Variants in FNIP2 observed in about 807,000 individuals in gnomAD.
FNIP2 encodes folliculin-interacting protein 2.
A neutral mutation model predicts 108.7 loss-of-function variants in FNIP2; 32 were observed. That is an observed-to-expected ratio of 0.29 (90% CI 0.22 to 0.40). The LOEUF is 0.40. Ranked by LOEUF, FNIP2 falls within the 10% of genes least tolerant of loss-of-function variation. FNIP2 has a pLI of 1.00. For synonymous variants in FNIP2, 480 were observed against 496.7 expected, an observed-to-expected ratio of 0.97 and a Z score of 0.45; for missense variants, 1,202 against 1,381.6, an observed-to-expected ratio of 0.87 and a Z score of 2.06.
chr4:158,835,575 G>C, intron 7 of FNIP2, 99 bp downstream of exon 7: 3 of 1,074,142 alleles, frequency 2.8e-6, no homozygotes, highest in Non-Finnish European at 4.2e-6. Flanking sequence ...CCCTCATCCT[G>C]TTCTTTGTTT....
At position 158,822,926 on chromosome 4, in the gene FNIP2, A is replaced by G. The variant is rs369623408; in HGVS notation, c.108-2990A>G. Among the ~76,000 whole-genome samples, 59 of 152,318 alleles carry G rather than the reference A, an allele frequency of 3.9e-4. 1 individual carries two copies. The East Asian group carries it at 0.011, about 29-fold the overall frequency. The stretch of plus-strand genomic sequence containing the variant: ...AAAAAAATTATTTTTAGACTCCTGA[A>G]TCAGAACAATTGTCCATGATTTTTA... On this transcript the variant is annotated intron_variant, in intron 1 of 16. Coordinates refer to ENST00000264433, the MANE Select transcript of FNIP2 (RefSeq NM_020840.3).
intron 1 of FNIP2, among the ~76,000 whole-genome samples, chr4:158,812,387 G>A (rs1302793380): frequency 6.6e-6 from 1 of 152,036 alleles, no homozygotes; most frequent in Non-Finnish European, 1.5e-5. Context: ...TAATTCTGCT[G>A]AACAGGGACA....
chr4:158,901,386 G>A (rs924374489), intron 16 of FNIP2, among the ~76,000 whole-genome samples: 14 of 151,984 alleles, frequency 9.2e-5, no homozygotes, highest in African/African-American at 3.1e-4. Context: ...TTCCCTTTGT[G>A]GGTAACCTGA....
chr4:158,856,781 GC>G (rs1159155529), intron 8 of FNIP2, among the ~76,000 whole-genome samples: 2 of 152,224 alleles, frequency 1.3e-5, no homozygotes, highest in South Asian at 2.1e-4. Flanking sequence ...TTGCAGTACA[GC>G]CTGTGTACCT....
At chr4:158,872,511 A>T (rs758779338) in intron 14 of FNIP2, 428 of 985,310 alleles carry the variant, frequency 4.3e-4, no homozygotes, top group Non-Finnish European at 5.0e-4. Flanking sequence ...AAGCATAATA[A>T]CCTATATTGT....
intron 1 of FNIP2, chr4:158,808,682 A>G (rs1029689238): frequency 6.6e-6 from 1 of 152,202 alleles, no homozygotes; most frequent in Non-Finnish European, 1.5e-5. Context: ...GCTCACAGTT[A>G]TCTGTTTGTC....
chr4:158,891,779 A>G (rs1782291767), intron 15 of FNIP2, 133 bp downstream of exon 15: 2 of 846,452 alleles, frequency 2.4e-6, no homozygotes, highest in Non-Finnish European at 3.6e-6. Flanking sequence ...AAACTAGAAC[A>G]TGCAGCATAA....
At chr4:158,853,160 T>C (rs931718568) in intron 8 of FNIP2, among the ~76,000 whole-genome samples, 1 of 152,196 alleles carries the variant, frequency 6.6e-6, no homozygotes. Context: ...TTATGTGATA[T>C]CTTGTGTTGT....
rs761872228 is a variant in FNIP2 at position 158,907,470 on chromosome 4, C to A, written c.*2926C>A. The A allele has an allele frequency of 6.6e-6, 1 of 151,986 alleles. No homozygotes were observed. Among genetic ancestry groups the A allele is most frequent in the Non-Finnish European group, 1.5e-5 (1 of 68,002 alleles). The allele number at this position is 151,986 out of a possible 1,614,324, so 9.4% of individuals were successfully genotyped here. Reference sequence around the variant, plus strand: ...CCCCGCTTGCTAAATGATACTAAACCGTTGTTTGGGCTCTTATAATTAGGT... The same window carrying A: ...CCCCGCTTGCTAAATGATACTAAACAGTTGTTTGGGCTCTTATAATTAGGT... On this transcript the variant is annotated 3_prime_UTR_variant, in exon 17 of 17. Coordinates refer to ENST00000264433, the MANE Select transcript of FNIP2 (RefSeq NM_020840.3).
chr4:158,814,354 C>T (rs576546813), intron 1 of FNIP2, among the ~76,000 whole-genome samples: 37 of 152,296 alleles, frequency 2.4e-4, no homozygotes, highest in Admixed American at 7.8e-4. Flanking sequence ...CCGTGTAAAA[C>T]GTTATATAAT....
chr4:158,809,675 G>T (rs1777167202), intron 1 of FNIP2, among the ~76,000 whole-genome samples: 1 of 152,140 alleles, frequency 6.6e-6, no homozygotes, highest in Admixed American at 6.5e-5. Context: ...GTGAATCATT[G>T]TTGCTCTGGT....
chr4:158,802,333 C>T (rs924704639), intron 1 of FNIP2, among the ~76,000 whole-genome samples: 2 of 151,810 alleles, frequency 1.3e-5, no homozygotes, highest in Non-Finnish European at 2.9e-5. Context: ...TTTATTTCTC[C>T]TTTTTTTCTC....
chr4:158,896,435 A>T (rs1319914947), intron 16 of FNIP2, among the ~76,000 whole-genome samples: 3 of 152,198 alleles, frequency 2.0e-5, no homozygotes, highest in Non-Finnish European at 4.4e-5. Context: ...AGGGGAAGTA[A>T]TTCTTACTTC....
intron 14 of FNIP2, chr4:158,871,936 C>T (rs528523047): frequency 6.5e-5 from 64 of 985,166 alleles, no homozygotes; most frequent in Admixed American, 4.9e-4. Flanking sequence ...TAGTAACTGC[C>T]TATAACATTA....
Position 158,904,608 on chromosome 4 carries a change from G to GA in FNIP2, c.*66dup. On this transcript the variant is annotated 3_prime_UTR_variant, in exon 17 of 17. Transcript: ENST00000264433. ...TCAAATTCTCAACTGAAGGAGAAAG[G>GA]AATAAGCTCTCTGTGATGTCAAAAG... The GA allele has an allele frequency of 1.5e-6, 2 of 1,350,326 alleles. No homozygotes were observed. Among genetic ancestry groups the GA allele is most frequent in the South Asian group, 1.2e-5 (1 of 85,122 alleles). The allele number at this position is 1,350,326 out of a possible 1,614,324, so 83.6% of individuals were successfully genotyped here.
At chr4:158,827,699 G>A (rs551110576) in intron 2 of FNIP2, among the ~76,000 whole-genome samples, 6 of 152,310 alleles carry the variant, frequency 3.9e-5, no homozygotes, top group Non-Finnish European at 5.9e-5. Context: ...TATCTTTAGC[G>A]TGTTGAGGGA....
Position 158,868,568 on chromosome 4 carries a change from T to C in FNIP2, c.1932T>C (p.Pro644=). The C allele has an allele frequency of 6.2e-7, 1 of 1,613,474 alleles. No homozygotes were observed. Among genetic ancestry groups the C allele is most frequent in the Non-Finnish European group, 8.5e-7 (1 of 1,179,630 alleles). Reference sequence around the variant, plus strand: ...CAGCATCAGACGCTTCCTGGAAACCTCAGAATGCATTTTGTGGGGATGAGA... The same window carrying C: ...CAGCATCAGACGCTTCCTGGAAACCCCAGAATGCATTTTGTGGGGATGAGA... ...LGPASDASWK[P]QNAFCGDEKN... is the part of the protein sequence containing the mutation. The change falls in exon 13 of 17, where the codon CCT becomes CCC. Residue 644 remains proline, a synonymous_variant. Transcript: ENST00000264433. This position sits in a 1 kb window ranked among gnomAD's most constrained non-coding sequence, Gnocchi z 4.6.
chr4:158,772,622 C>G (rs1467270125), intron 1 of FNIP2, among the ~76,000 whole-genome samples: 3 of 152,172 alleles, frequency 2.0e-5, no homozygotes, highest in Non-Finnish European at 2.9e-5. Context: ...AAGAGTATAC[C>G]TAAGGCCAAA....
At chr4:158,820,871 A>T (rs530539112) in intron 1 of FNIP2, among the ~76,000 whole-genome samples, 1 of 152,344 alleles carries the variant, frequency 6.6e-6, no homozygotes, top group Non-Finnish European at 1.5e-5. Flanking sequence ...TAACTTGATT[A>T]TATCTGCAGA....
Sources: gnomAD v4.1 joint callset for allele counts (sites outside exome capture counted in the v4.1 genomes callset) on GRCh38, gnomAD v4.1.1 for gene constraint, Gnocchi (gnomAD v3.1) non-coding constraint, MANE v1.5 for transcripts, NCBI Gene and HGNC (gene_info 2026-07-23, HGNC 2026-07-21) for gene names.